The following ISM1 variants were observed in gnomAD, a reference collection of about 807,000 sequenced individuals.
ISM1 encodes isthmin 1.
A neutral mutation model predicts 46.3 loss-of-function variants in ISM1; 25 were observed. That is an observed-to-expected ratio of 0.54 (90% CI 0.39 to 0.75). The LOEUF is 0.75. Among genes scored for constraint, ISM1 ranks in the 30% least tolerant of loss-of-function variants. ISM1 has a pLI of 0.00. For missense variants in ISM1, 536 were observed against 625.4 expected (o/e 0.86, Z 1.52); for synonymous variants, 255 against 256.7 (o/e 0.99, Z 0.06).
chr20:13,323,179 G>T, the ISM1 span, among the ~76,000 whole-genome samples: 15 of 152,164 alleles, frequency 9.9e-5, no homozygotes, highest in Non-Finnish European at 4.4e-5. Flanking sequence ...AATATTACTT[G>T]CTACAAAGAA....
At chr20:13,309,088 G>A in the ISM1 span, among the ~76,000 whole-genome samples, 121,321 of 152,068 alleles carry the variant, frequency 0.8, 48,467 homozygotes, top group East Asian at 0.86. Flanking sequence ...GACAGTATAT[G>A]AAAGTAGTAT....
At chr20:13,287,256 AAGG>A (rs2040304128) in intron 3 of ISM1, among the ~76,000 whole-genome samples, 1 of 152,200 alleles carries the variant, frequency 6.6e-6, no homozygotes, top group Non-Finnish European at 1.5e-5. Flanking sequence ...AGGAAGAGCA[AAGG>A]GACATCTTAC....
At chr20:13,316,486 C>CA in the ISM1 span, among the ~76,000 whole-genome samples, 5 of 151,660 alleles carry the variant, frequency 3.3e-5, no homozygotes, top group African/African-American at 1.2e-4. Flanking sequence ...AAAGCTATTA[C>CA]AAAAAAAGTA....
downstream of ISM1, among the ~76,000 whole-genome samples, chr20:13,304,149 A>G (rs1322446586): frequency 1.3e-5 from 2 of 152,338 alleles, no homozygotes; most frequent in East Asian, 3.9e-4. Flanking sequence ...GCAGTGAAGT[A>G]CTGTCCAATG....
chr20:13,281,146 GAGCAAATGCTGTGTCC>G lies in ISM1; in HGVS notation c.643+1253_643+1268del, dbSNP rs1396677029. On this transcript the variant is annotated intron_variant, in intron 3 of 5. Transcript: ENST00000262487. ...CAGTTGTTCAACCAACATTTATTAA[GAGCAAATGCTGTGTCC>G]AGCACTATGCTGGGTACAAAAATGA... Among the ~76,000 whole-genome samples, 14 of 152,298 alleles carry G rather than the reference GAGCAAATGCTGTGTCC, an allele frequency of 9.2e-5. No homozygotes were observed. The East Asian group carries it at 2.7e-3, about 29-fold the overall frequency.
Position 13,299,130 on chromosome 20 carries a change from G to C in ISM1, c.1066G>C (p.Glu356Gln). Residue 356 changes from glutamate (E) to glutamine (Q), a missense_variant, in exon 6 of 6, where the codon GAG becomes CAG. Around this residue, in one of 2 missense-constraint regions of ISM1, gnomAD observed 169 missense variants for 249.3 expected, o/e 0.68. Coordinates refer to ENST00000262487, the MANE Select transcript of ISM1 (RefSeq NM_080826.2). The surrounding 1 kb of genome is among the most constrained non-coding windows in gnomAD (Gnocchi z 5.8). Reference protein sequence around the residue: ...FRWKDASGPKEKLEIYKPTAR... With the variant: ...FRWKDASGPKQKLEIYKPTAR... ...CTGGAAGGACGCCAGCGGGCCCAAG[G>C]AGAAGCTGGAGATCTACAAGCCCAC... 6.2e-7 allele frequency: 1 copy of C among 1,613,228 alleles called. No individual in the cohort carries two copies. Among genetic ancestry groups the C allele is most frequent in the Non-Finnish European group, 8.5e-7 (1 of 1,179,664 alleles).
chr20:13,223,455 A>G (rs1415896267), intron 1 of ISM1, among the ~76,000 whole-genome samples: 2 of 152,224 alleles, frequency 1.3e-5, no homozygotes, highest in African/African-American at 2.4e-5. Context: ...TACAGATGCA[A>G]AAACTGAGGT....
At chr20:13,279,420 C>T (rs970434642) in intron 2 of ISM1, among the ~76,000 whole-genome samples, 8 of 152,100 alleles carry the variant, frequency 5.3e-5, no homozygotes, top group Admixed American at 4.6e-4. Context: ...ATGAATTTTC[C>T]CCTCCCAACC....
intron 1 of ISM1, among the ~76,000 whole-genome samples, chr20:13,242,451 G>A (rs921762099): frequency 6.6e-6 from 1 of 152,146 alleles, no homozygotes. Flanking sequence ...GAAGGTTGAG[G>A]GGATGTTCAG....
Position 13,244,015 on chromosome 20 carries a change from T to A in ISM1, c.138+22101T>A, listed in dbSNP as rs546919491. The A allele has an allele frequency of 2.0e-5, 3 of 152,298 alleles. No individual in the cohort carries two copies. In the East Asian group the frequency reaches 5.8e-4, roughly 29 times the overall value. The allele number at this position is 152,298 out of a possible 1,614,324, so 9.4% of individuals were successfully genotyped here. On this transcript the variant is annotated intron_variant, in intron 1 of 5. Coordinates refer to ENST00000262487, the MANE Select transcript of ISM1 (RefSeq NM_080826.2). ...GGGAGTGTTTGTCTATTACCACATCTCCAGTGTAGGCACTGGTGATTCATC... is the reference window on the plus strand; with the variant it reads ...GGGAGTGTTTGTCTATTACCACATCACCAGTGTAGGCACTGGTGATTCATC...
At chr20:13,289,668 G>C (rs1405988155) in intron 4 of ISM1, among the ~76,000 whole-genome samples, 5 of 96,630 alleles carry the variant, frequency 5.2e-5, no homozygotes, top group Admixed American at 4.8e-4. Context: ...GAAGGAGGAG[G>C]AGGAGGGGGA....
rs902554649 is a variant in ISM1, at chr20:13,270,435, G to T, written c.139-69G>T. ...ATTGTCCTTGCTCCTGAATATAATG[G>T]ACTGTTAAGGGTGACATTTTTTAAT... On this transcript the variant is annotated intron_variant, in intron 1 of 5. Transcript: ENST00000262487. 2.6e-6 allele frequency: 4 copies of T among 1,513,326 alleles called. No homozygotes were observed. In the African/African-American group the frequency reaches 4.2e-5, roughly 16 times the overall value. 93.7% of individuals were successfully genotyped at this position (1,513,326 alleles called of 1,614,324 possible).
chr20:13,268,341 CT>C, intron 1 of ISM1, among the ~76,000 whole-genome samples: 1 of 136,186 alleles, frequency 7.3e-6, no homozygotes, highest in African/African-American at 2.8e-5. Context: ...CCTTCTCCTT[CT>C]TCTTCCTCTC....
the ISM1 span, among the ~76,000 whole-genome samples, chr20:13,310,283 T>G: frequency 6.6e-6 from 1 of 152,114 alleles, no homozygotes; most frequent in East Asian, 1.9e-4. Context: ...AAATTTGTGG[T>G]CAACTGATCT....
At chr20:13,305,865 A>T in the ISM1 span, among the ~76,000 whole-genome samples, 8 of 152,346 alleles carry the variant, frequency 5.3e-5, no homozygotes, top group South Asian at 4.1e-4. Flanking sequence ...GTAGAGATTT[A>T]AAAAACCAAG....
At chr20:13,293,131 C>T (rs150852904) in intron 5 of ISM1, among the ~76,000 whole-genome samples, 2 of 147,814 alleles carry the variant, frequency 1.4e-5, no homozygotes, top group South Asian at 2.2e-4. Context: ...ACCCAGGAGG[C>T]GGAGGTTGCA....
intron 1 of ISM1, among the ~76,000 whole-genome samples, chr20:13,226,298 T>A (rs1443836674): frequency 6.6e-6 from 1 of 152,200 alleles, no homozygotes; most frequent in Non-Finnish European, 1.5e-5. Context: ...CTTATAGCAG[T>A]AGAAGCAAAA....
chr20:13,293,103 G>C (rs1202861726), intron 5 of ISM1, among the ~76,000 whole-genome samples: 1 of 151,940 alleles, frequency 6.6e-6, no homozygotes, highest in Non-Finnish European at 1.5e-5. Context: ...GGGAGGCTGA[G>C]GCAGGAGAAT....
At chr20:13,235,808 C>A (rs995922614) in intron 1 of ISM1, among the ~76,000 whole-genome samples, 3 of 152,230 alleles carry the variant, frequency 2.0e-5, no homozygotes, top group African/African-American at 7.2e-5. Context: ...AAGCCTGCGA[C>A]CACTTTCCCT....
Sources: gnomAD v4.1 joint callset for allele counts (sites outside exome capture counted in the v4.1 genomes callset) on GRCh38, gnomAD v4.1.1 for gene constraint, gnomAD v4.1.1 regional missense constraint, Gnocchi (gnomAD v3.1) non-coding constraint, MANE v1.5 for transcripts, NCBI Gene and HGNC (gene_info 2026-07-23, HGNC 2026-07-21) for gene names.